LPIN1: variants seen among roughly 807,000 people sequenced by gnomAD.
The protein encoded by LPIN1 is lipin 1, also known as phosphatidate phosphatase LPIN1.
LPIN1 carries 71 observed loss-of-function variants against 107.5 expected under a neutral mutation model. That is an observed-to-expected ratio of 0.66 (90% CI 0.55 to 0.80). LPIN1 has a LOEUF of 0.80. Among genes scored for constraint, LPIN1 ranks in the 30% least tolerant of loss-of-function variants. The probability of loss-of-function intolerance (pLI) is 0.00; values close to 1 mark genes in which losing one functional copy is unlikely to be tolerated. For missense variants in LPIN1, 1,043 were observed against 1,160.6 expected, an observed-to-expected ratio of 0.90 and a Z score of 1.47; for synonymous variants, 445 against 452.6, an observed-to-expected ratio of 0.98 and a Z score of 0.21.
intron 1 of LPIN1, among the ~76,000 whole-genome samples, chr2:11,681,241 C>T (rs936168425): frequency 6.6e-6 from 1 of 152,178 alleles, no homozygotes; most frequent in African/African-American, 2.4e-5. Context: ...CAAAGGCTGG[C>T]CCCACCTCTC....
At chr2:11,724,877 C>T (rs1171711089) in intron 1 of LPIN1, among the ~76,000 whole-genome samples, 1 of 152,170 alleles carries the variant, frequency 6.6e-6, no homozygotes, top group East Asian at 1.9e-4. Context: ...TGGATGCTTT[C>T]TCAAGGAATT....
intron 2 of LPIN1, among the ~76,000 whole-genome samples, chr2:11,716,923 G>A (rs1008983229): frequency 1.3e-5 from 2 of 152,124 alleles, no homozygotes; most frequent in African/African-American, 4.8e-5. Context: ...CTTTGATTGC[G>A]ACATTTCTAA....
chr2:11,713,777 G>C, exon 2 of LPIN1: 3 of 1,521,316 alleles, frequency 2.0e-6, no homozygotes, highest in Non-Finnish European at 2.6e-6. Flanking sequence ...GAGAGACCCT[G>C]GGTGGATTCG....
chr2:11,750,895 A>G (rs1051111553), intron 1 of LPIN1, among the ~76,000 whole-genome samples: 5 of 152,216 alleles, frequency 3.3e-5, no homozygotes, highest in African/African-American at 1.2e-4. Context: ...ATAAAGTTAT[A>G]AGGGCAGAGC....
intron 17 of LPIN1, 30 bp downstream of exon 17, chr2:11,805,186 CTG>C: frequency 6.7e-7 from 1 of 1,498,138 alleles, no homozygotes; most frequent in Non-Finnish European, 9.3e-7. Flanking sequence ...TTCCCGCCTC[CTG>C]TGAACGCTGG....
At chr2:11,689,670 G>C (rs886969541) in intron 1 of LPIN1, among the ~76,000 whole-genome samples, 3 of 152,204 alleles carry the variant, frequency 2.0e-5, no homozygotes, top group Non-Finnish European at 4.4e-5. Context: ...ACTTTGGGCC[G>C]AGGCAGGCAG....
intron 4 of LPIN1, among the ~76,000 whole-genome samples, chr2:11,773,277 G>A (rs1672154340): frequency 6.6e-6 from 1 of 152,150 alleles, no homozygotes; most frequent in African/African-American, 2.4e-5. Context: ...GGCCGGTTTG[G>A]GGCCACTCTA....
chr2:11,784,692 T>G lies in LPIN1; in HGVS notation c.1359-194T>G, dbSNP rs114514177. The G allele has an allele frequency of 6.7e-3, 4,442 of 659,036 alleles. 161 individuals carry two copies. In the African/African-American group the frequency reaches 0.07, roughly 10 times the overall value. 40.8% of individuals were successfully genotyped at this position (659,036 alleles called of 1,614,324 possible). ...CAGGGAGATGCAGCCAGCTGAGAAG[T>G]AATGGTTTTCTCTCCTAAGCTAAGG... On this transcript the variant is annotated intron_variant, in intron 9 of 20. Coordinates refer to ENST00000674199, the MANE Select transcript of LPIN1 (RefSeq NM_001349206.2).
At chr2:11,713,699 C>A in intron 1 of LPIN1, 1 of 1,033,208 alleles carries the variant, frequency 9.7e-7, no homozygotes, top group Non-Finnish European at 1.4e-6. Context: ...CAACCATTAC[C>A]ACCACCTAAT....
rs750176910 is a variant in LPIN1 at position 11,819,568 on chromosome 2, C to T, written c.2487C>T (p.Pro829=). 3.0e-5 allele frequency: 49 copies of T among 1,613,916 alleles called. No individual in the cohort carries two copies. Among genetic ancestry groups the T allele is most frequent in the Admixed American group, 1.2e-4 (7 of 59,994 alleles). ...IKNLFFPNTE[P]FYAAFGNRPA... The stretch of plus-strand genomic sequence containing the variant: ...ACCTGTTTTTCCCCAACACAGAACC[C>T]TTTTATGCTGCTTTTGGAAACCGAC... The change falls in exon 19 of 21, where the codon CCC becomes CCT. Residue 829 remains proline (P), a synonymous_variant. Coordinates refer to ENST00000674199, the MANE Select transcript of LPIN1 (RefSeq NM_001349206.2).
rs1226034861 is a variant in LPIN1 at position 11,795,428 on chromosome 2, C to T, written c.1827C>T (p.Cys609=). The T allele has an allele frequency of 3.7e-6, 6 of 1,613,910 alleles. No homozygotes were observed. In the African/African-American group the frequency reaches 5.3e-5, roughly 14 times the overall value. ...TIKEESKPEQ[C]LAGKAHSTGE... ...TCTAGGAAAGTAAGCCAGAGCAGTG[C>T]TTGGCTGGCAAGGCCCATAGCACCG... Residue 609 remains cysteine, a synonymous_variant, in exon 14 of 21, where the codon TGC becomes TGT. Transcript: ENST00000674199.
chr2:11,721,728 C>T (rs1194677649), upstream of LPIN1: 2 of 152,252 alleles, frequency 1.3e-5, no homozygotes, highest in Admixed American at 1.3e-4. Flanking sequence ...GGCAAATCTA[C>T]AACTCAGAAC....
intron 17 of LPIN1, among the ~76,000 whole-genome samples, chr2:11,809,413 T>C (rs926193398): frequency 6.6e-6 from 1 of 151,690 alleles, no homozygotes; most frequent in African/African-American, 2.4e-5. Context: ...GTAGCAGACT[T>C]GTTAGGGTCT....
chr2:11,713,242 A>G (rs535878534), intron 1 of LPIN1, among the ~76,000 whole-genome samples: 2 of 152,228 alleles, frequency 1.3e-5, no homozygotes, highest in Non-Finnish European at 2.9e-5. Context: ...GACACATCAT[A>G]GTTGAATGTG....
chr2:11,823,041 A>G (rs1375666828), intron 20 of LPIN1: 1 of 152,228 alleles, frequency 6.6e-6, no homozygotes, highest in Non-Finnish European at 1.5e-5. Context: ...CTGGCGCTGA[A>G]CTTGGTATAG....
At position 11,820,524 on chromosome 2, in the gene LPIN1, G is replaced by A. The variant is rs1244644849; in HGVS notation, c.2621+10G>A. 6.3e-7 allele frequency: 1 copy of A among 1,577,744 alleles called. No individual in the cohort carries two copies. Among genetic ancestry groups the A allele is most frequent in the Admixed American group, 1.7e-5 (1 of 59,984 alleles). ...AGACCAACATCTCTTCGTGAGTATT[G>A]TACACATTTTATGTGATTATGATAT... On this transcript the variant is annotated intron_variant, in intron 20 of 20. Transcript: ENST00000674199.
intron 1 of LPIN1, chr2:11,724,604 C>T (rs1275295248): frequency 3.0e-6 from 3 of 985,494 alleles, no homozygotes; most frequent in Non-Finnish European, 3.6e-6. Context: ...GACAATGTGC[C>T]TTCTGATGGG....
intron 1 of LPIN1, among the ~76,000 whole-genome samples, chr2:11,759,886 G>A (rs1290103132): frequency 2.2e-5 from 1 of 45,492 alleles, no homozygotes; most frequent in African/African-American, 7.7e-5. Context: ...TCCCGGACGG[G>A]GTGGCTGCCG....
chr2:11,785,145 C>G (rs1674324723), intron 10 of LPIN1, 69 bp downstream of exon 10: 1 of 1,211,530 alleles, frequency 8.3e-7, no homozygotes, highest in South Asian at 1.6e-5. Context: ...TTAGGCTTCT[C>G]CAAGGAGTGC....
Sources: allele counts gnomAD v4.1 joint callset (sites outside exome capture counted in the v4.1 genomes callset), GRCh38; gene constraint gnomAD v4.1.1; transcripts MANE v1.5; gene names NCBI Gene and HGNC (gene_info 2026-07-23, HGNC 2026-07-21).